Variants in UBAP2L observed in about 807,000 individuals in gnomAD.
The protein encoded by UBAP2L is ubiquitin-associated protein 2-like.
Under a neutral mutation model 130.6 loss-of-function variants are expected in UBAP2L, and 12 were observed. The ratio of observed to expected loss-of-function variants is 0.09; its 90% CI spans 0.06 to 0.15. The LOEUF (loss-of-function observed/expected upper bound fraction) is 0.15, where lower values mean the gene tolerates loss of function less well. UBAP2L is among the 10% of genes least tolerant of loss of function. UBAP2L has a pLI of 1.00. For missense variants in UBAP2L, 965 were observed against 1,332.5 expected (o/e 0.72, Z 4.29); for synonymous variants, 503 against 524.7 (o/e 0.96, Z 0.57).
At position 154,241,508 on chromosome 1, in the gene UBAP2L, C is replaced by T; in HGVS notation, c.704-5C>T. Reference sequence around the variant, plus strand: ...AGTTACTTCACTATTTTTCTTTATTCTCAGGTGCATGGAGGACTGCAACAG... The same window carrying T: ...AGTTACTTCACTATTTTTCTTTATTTTCAGGTGCATGGAGGACTGCAACAG... On this transcript the variant is annotated splice_region_variant and splice_polypyrimidine_tract_variant and intron_variant, in intron 8 of 26. Transcript: ENST00000428931. 2.5e-6 allele frequency: 4 copies of T among 1,612,824 alleles called. No homozygotes were observed. Among genetic ancestry groups the T allele is most frequent in the Middle Eastern group, 3.3e-4 (2 of 6,056 alleles).
intron 11 of UBAP2L, among the ~76,000 whole-genome samples, chr1:154,246,627 T>C (rs915714241): frequency 6.6e-6 from 1 of 152,242 alleles, no homozygotes; most frequent in African/African-American, 2.4e-5. Context: ...TTGTGCTGAA[T>C]GAACACCATT....
chr1:154,255,289 G>A lies in UBAP2L; in HGVS notation c.2047G>A (p.Glu683Lys). 6.2e-7 allele frequency: 1 copy of A among 1,614,188 alleles called. No individual in the cohort carries two copies. Among genetic ancestry groups the A allele is most frequent in the Non-Finnish European group, 8.5e-7 (1 of 1,180,034 alleles). Residue 683 changes from glutamate (E) to lysine (K), a missense_variant, in exon 17 of 27, where the codon GAG becomes AAG. Transcript: ENST00000428931. ...CTCCTTGGGTGGCTTGAGCCACAGT[G>A]AGGAGATTCCAAATACTACCACCAC... ...SSSLGGLSHS[E>K]EIPNTTTTQH... is the part of the protein sequence containing the mutation.
intron 1 of UBAP2L, 28 bp downstream of exon 1, chr1:154,221,003 C>A: frequency 5.3e-6 from 1 of 189,164 alleles, no homozygotes; most frequent in Non-Finnish European, 1.1e-5. Context: ...GCGGCGTTGG[C>A]GGCGGCGGCG....
chr1:154,237,238 A>C (rs1671981048), intron 8 of UBAP2L, 102 bp downstream of exon 8: 1 of 1,109,944 alleles, frequency 9.0e-7, no homozygotes, highest in Non-Finnish European at 1.3e-6. Flanking sequence ...GTGTTTGGTT[A>C]TGGAGATAGG....
chr1:154,268,714 T>C, intron 25 of UBAP2L, 43 bp from the exon 26 acceptor site: 1 of 1,599,950 alleles, frequency 6.3e-7, no homozygotes, highest in East Asian at 2.2e-5. Context: ...AAGACTAGTT[T>C]GCTGATCCCT....
intron 11 of UBAP2L, among the ~76,000 whole-genome samples, chr1:154,247,738 AT>A (rs146463282): frequency 2.0e-5 from 3 of 151,874 alleles, no homozygotes; most frequent in South Asian, 2.1e-4. Context: ...CTAAAAAAAA[AT>A]TTTTTTTAAA....
In UBAP2L at chr1:154,254,585, A is replaced by C. The variant is rs932345885; in HGVS notation, c.1855-251A>C. 4 of 555,900 alleles carry C rather than the reference A, an allele frequency of 7.2e-6. No homozygotes were observed. The African/African-American group carries it at 7.9e-5, about 11-fold the overall frequency. The allele number at this position is 555,900 out of a possible 1,614,324, so 34.4% of individuals were successfully genotyped here. A position where few individuals can be genotyped will look rare whatever the true frequency, so the allele number is the denominator to read the frequency against. On this transcript the variant is annotated intron_variant, in intron 15 of 26. Coordinates refer to ENST00000428931, the MANE Select transcript of UBAP2L (RefSeq NM_014847.4). ...CTGTTTTAGGTTTGGGGTGTCTTCA[A>C]CAATTTGTAGGGTTTCCTTCTTTTG...
At chr1:154,254,724 A>C in intron 15 of UBAP2L, 112 bp from the exon 16 acceptor site, 2 of 1,157,458 alleles carry the variant, frequency 1.7e-6, no homozygotes, top group Non-Finnish European at 2.5e-6. Flanking sequence ...GTTAATTTAC[A>C]GAGTTTCTCC....
rs1181676369 is a variant in UBAP2L at position 154,255,068 on chromosome 1, T to C, written c.1910-84T>C. On this transcript the variant is annotated intron_variant, in intron 16 of 26. Transcript: ENST00000428931. ...GTTAAATAACTCATCCTTTTGTCTT[T>C]GGAACTGCCTTGGACTGTGGTCACC... 6 of 1,500,036 alleles carry C rather than the reference T, an allele frequency of 4.0e-6. No individual in the cohort carries two copies. In the Admixed American group the frequency reaches 6.1e-5, roughly 15 times the overall value. 92.9% of individuals were successfully genotyped at this position (1,500,036 alleles called of 1,614,324 possible).
upstream of UBAP2L, chr1:154,220,576 G>A: frequency 6.0e-6 from 4 of 671,144 alleles, no homozygotes; most frequent in South Asian, 7.1e-5. Flanking sequence ...ACAGGCAGGA[G>A]AGCTGGGAAA....
At chr1:154,263,118 C>A in intron 24 of UBAP2L, 2 of 1,551,628 alleles carry the variant, frequency 1.3e-6, no homozygotes, top group Non-Finnish European at 8.7e-7. Context: ...AAATATCCAC[C>A]CCCTTACAAG....
intron 11 of UBAP2L, 104 bp from the exon 12 acceptor site, chr1:154,249,135 A>T: frequency 9.3e-7 from 1 of 1,070,488 alleles, no homozygotes; most frequent in Non-Finnish European, 1.4e-6. Flanking sequence ...AGTATTCTTT[A>T]CTTGCCTGAT....
Position 154,263,388 on chromosome 1 carries a change from C to T in UBAP2L, c.2902+1691C>T. On this transcript the variant is annotated intron_variant, in intron 24 of 26. Coordinates refer to ENST00000428931, the MANE Select transcript of UBAP2L (RefSeq NM_014847.4). Reference sequence around the variant, plus strand: ...ATTTCAAGTTCAAGCGGTGCAGCACCTTCGAAGCATCAATGCACACACCTG... The same window carrying T: ...ATTTCAAGTTCAAGCGGTGCAGCACTTTCGAAGCATCAATGCACACACCTG... The T allele has an allele frequency of 3.8e-6, 5 of 1,314,028 alleles. No individual in the cohort carries two copies. In the South Asian group the frequency reaches 1.1e-4, roughly 30 times the overall value. The allele number at this position is 1,314,028 out of a possible 1,614,324, so 81.4% of individuals were successfully genotyped here.
At chr1:154,220,567 C>T (rs574997743), upstream of UBAP2L, 2,710 of 698,432 alleles carry the variant, frequency 3.9e-3, 12 homozygotes, top group Non-Finnish European at 4.9e-3. Flanking sequence ...ACATGGCGGA[C>T]AGGCAGGAGA....
chr1:154,264,546 C>G (rs1221178056), intron 24 of UBAP2L, among the ~76,000 whole-genome samples: 3 of 152,136 alleles, frequency 2.0e-5, no homozygotes, highest in East Asian at 3.9e-4. Flanking sequence ...CATTCTCAGT[C>G]CCTTCAACCT....
At chr1:154,269,501 C>T (rs1051039735) in intron 26 of UBAP2L, 13 of 1,127,458 alleles carry the variant, frequency 1.2e-5, no homozygotes, top group African/African-American at 1.1e-4. Context: ...GAAAAGACTG[C>T]GCGGTCACAA....
chr1:154,250,385 C>T (rs1003255444), intron 12 of UBAP2L, among the ~76,000 whole-genome samples: 134 of 151,954 alleles, frequency 8.8e-4, no homozygotes, highest in African/African-American at 2.9e-3. Flanking sequence ...ATAATGAAAT[C>T]ATGTTGAAGG....
intron 18 of UBAP2L, among the ~76,000 whole-genome samples, chr1:154,256,532 G>A (rs553640761): frequency 1.8e-4 from 28 of 152,216 alleles, no homozygotes; most frequent in Non-Finnish European, 3.4e-4. Flanking sequence ...CTAGCTACTC[G>A]GGAGGCTGAA....
At chr1:154,221,174 G>A (rs1665867204) in intron 1 of UBAP2L, 199 bp downstream of exon 1, 1 of 139,146 alleles carries the variant, frequency 7.2e-6, no homozygotes, top group Non-Finnish European at 1.6e-5. Flanking sequence ...CCCCCCCCGA[G>A]TCATGCGAGC....
Sources: gnomAD v4.1 joint callset for allele counts (sites outside exome capture counted in the v4.1 genomes callset) on GRCh38, gnomAD v4.1.1 for gene constraint, MANE v1.5 for transcripts, NCBI Gene and HGNC (gene_info 2026-07-23, HGNC 2026-07-21) for gene names.